FGGY: variants seen among roughly 807,000 people sequenced by gnomAD.
The protein encoded by FGGY is FGGY carbohydrate kinase domain-containing protein.
Under a neutral mutation model 71.3 loss-of-function variants are expected in FGGY, and 72 were observed. The observed-to-expected ratio is 1.01, with a 90% CI of 0.84 to 1.23. The LOEUF (loss-of-function observed/expected upper bound fraction) is 1.23, where lower values mean the gene tolerates loss of function less well. FGGY is among the 50% of genes most tolerant of loss of function. FGGY has a pLI of 0.00. For missense variants in FGGY, 668 were observed against 682.3 expected, an observed-to-expected ratio of 0.98 and a Z score of 0.23; for synonymous variants, 251 against 250.3, an observed-to-expected ratio of 1.00 and a Z score of -0.02.
chr1:59,697,326 T>TC (rs1447928637), intron 14 of FGGY, among the ~76,000 whole-genome samples: 1 of 152,180 alleles, frequency 6.6e-6, no homozygotes, highest in Non-Finnish European at 1.5e-5. Flanking sequence ...AACTGAAACT[T>TC]TACCCGTTAA....
At chr1:59,623,146 A>G (rs987194593) in intron 9 of FGGY, among the ~76,000 whole-genome samples, 7 of 152,068 alleles carry the variant, frequency 4.6e-5, no homozygotes, top group African/African-American at 1.7e-4. Flanking sequence ...TTATATTCCC[A>G]TTGCCAACCT....
rs369929167 is a variant in FGGY, at chr1:59,321,714, C to T, written c.165C>T (p.Ser55=). ...AGTTCAACCACCATGAGCAGTCCTCCGAGGACATCTGGGCTGCGTGCTGTG... is the reference window on the plus strand; with the variant it reads ...AGTTCAACCACCATGAGCAGTCCTCTGAGGACATCTGGGCTGCGTGCTGTG... ...EPQFNHHEQS[S]EDIWAACCVV... The change falls in exon 2 of 16, where the codon TCC becomes TCT. Residue 55 remains serine (S), a synonymous_variant. Coordinates refer to ENST00000303721, the MANE Select transcript of FGGY (RefSeq NM_018291.5). The T allele has an allele frequency of 5.3e-5, 85 of 1,612,524 alleles. 1 individual carries two copies. The African/African-American group carries it at 6.4e-4, about 12-fold the overall frequency.
chr1:59,609,971 G>T (rs1299674891), intron 9 of FGGY, among the ~76,000 whole-genome samples: 3 of 152,236 alleles, frequency 2.0e-5, no homozygotes, highest in Non-Finnish European at 4.4e-5. Context: ...ACCAGTGCTA[G>T]AAAAGTTGAG....
At chr1:59,311,409 C>T (rs955068483) in intron 1 of FGGY, among the ~76,000 whole-genome samples, 20 of 151,946 alleles carry the variant, frequency 1.3e-4, no homozygotes, top group African/African-American at 4.8e-4. Context: ...CACCCCACAA[C>T]AGGCCCTAGT....
chr1:59,463,865 C>A (rs906980867), intron 6 of FGGY, among the ~76,000 whole-genome samples: 1 of 152,140 alleles, frequency 6.6e-6, no homozygotes, highest in Non-Finnish European at 1.5e-5. Flanking sequence ...ATTCATAAAG[C>A]AAGTGCTTAG....
intron 8 of FGGY, among the ~76,000 whole-genome samples, chr1:59,558,840 C>G (rs975361820): frequency 6.6e-6 from 1 of 152,102 alleles, no homozygotes; most frequent in Non-Finnish European, 1.5e-5. Flanking sequence ...GACCTCCCCC[C>G]AGGAATGCAT....
chr1:59,666,415 T>C lies in FGGY; in HGVS notation c.1297-868T>C, dbSNP rs568126313. On this transcript the variant is annotated intron_variant, in intron 12 of 15. Coordinates refer to ENST00000303721, the MANE Select transcript of FGGY (RefSeq NM_018291.5). The stretch of plus-strand genomic sequence containing the variant: ...TTTTTAGTCCTTATCCCAAATAAAT[T>C]TTGATTTTCGAACTCTAGTTTTTGA... Among the ~76,000 whole-genome samples, 5 of 152,210 alleles carry C rather than the reference T, an allele frequency of 3.3e-5. No individual in the cohort carries two copies. The South Asian group carries it at 1.0e-3, about 32-fold the overall frequency.
chr1:59,370,693 C>T (rs2057449593), intron 4 of FGGY, among the ~76,000 whole-genome samples: 1 of 151,840 alleles, frequency 6.6e-6, no homozygotes, highest in African/African-American at 2.4e-5. Context: ...GCCCATCAGA[C>T]TAACAGCGGA....
intron 14 of FGGY, among the ~76,000 whole-genome samples, chr1:59,711,941 C>T (rs190991606): frequency 1.3e-5 from 2 of 152,296 alleles, no homozygotes; most frequent in African/African-American, 2.4e-5. Context: ...GCCTTCCCAA[C>T]AATCCCCCAA....
rs185738126 is a variant in FGGY at position 59,743,318 on chromosome 1, G to C, written c.1513-14613G>C. On this transcript the variant is annotated intron_variant, in intron 14 of 15. Coordinates refer to ENST00000303721, the MANE Select transcript of FGGY (RefSeq NM_018291.5). ...ATAGTAGTTTTGTCTTCCTCTTCCT[G>C]TCTCCCATGATCACCGATGTTTCTC... Among the ~76,000 whole-genome samples, 293 of 152,160 alleles carry C rather than the reference G, an allele frequency of 1.9e-3. 2 individuals are homozygous for C. The highest frequency in any genetic ancestry group is 6.7e-3 in the African/African-American group (278 of 41,510).
At chr1:59,624,466 G>A (rs187197723) in intron 9 of FGGY, among the ~76,000 whole-genome samples, 241 of 152,264 alleles carry the variant, frequency 1.6e-3, no homozygotes, top group South Asian at 3.9e-3. Flanking sequence ...TATGGGAAAT[G>A]AGTCAGTATA....
intron 2 of FGGY, among the ~76,000 whole-genome samples, chr1:59,323,335 T>A (rs1418704874): frequency 2.0e-5 from 3 of 152,248 alleles, no homozygotes; most frequent in Non-Finnish European, 4.4e-5. Context: ...ATCATCTGTT[T>A]GAGCCCTGTT....
At chr1:59,412,129 G>A (rs1352274372) in intron 5 of FGGY, among the ~76,000 whole-genome samples, 1 of 152,170 alleles carries the variant, frequency 6.6e-6, no homozygotes, top group Non-Finnish European at 1.5e-5. Context: ...CAGCTGCCGT[G>A]ACCAAGTTTG....
At chr1:59,583,397 T>C (rs1460402787) in intron 8 of FGGY, among the ~76,000 whole-genome samples, 3 of 143,582 alleles carry the variant, frequency 2.1e-5, no homozygotes, top group Non-Finnish European at 4.5e-5. Context: ...GTCTTATTTT[T>C]ACATTGACAC....
At chr1:59,722,184 G>A (rs1216351243) in intron 14 of FGGY, among the ~76,000 whole-genome samples, 1 of 142,634 alleles carries the variant, frequency 7.0e-6, no homozygotes, top group South Asian at 2.2e-4. Flanking sequence ...TTTTTTTCAT[G>A]ATTGGAGTTT....
At chr1:59,334,904 A>C (rs964146225) in intron 2 of FGGY, among the ~76,000 whole-genome samples, 4 of 152,194 alleles carry the variant, frequency 2.6e-5, no homozygotes, top group Non-Finnish European at 4.4e-5. Flanking sequence ...ACAACTTTAA[A>C]AATTATACAA....
At chr1:59,560,132 C>T (rs747218124) in intron 8 of FGGY, among the ~76,000 whole-genome samples, 24 of 152,228 alleles carry the variant, frequency 1.6e-4, no homozygotes, top group Middle Eastern at 3.4e-3. Flanking sequence ...TAGTACGTAC[C>T]CTTGATATGA....
intron 1 of FGGY, among the ~76,000 whole-genome samples, chr1:59,306,751 G>A (rs1277731748): frequency 1.3e-5 from 2 of 152,222 alleles, no homozygotes; most frequent in African/African-American, 4.8e-5. Context: ...GAATGGATAT[G>A]TAGTTGGGGA....
At chr1:59,579,098 C>A (rs1212914148) in intron 8 of FGGY, among the ~76,000 whole-genome samples, 3 of 152,086 alleles carry the variant, frequency 2.0e-5, no homozygotes, top group Non-Finnish European at 4.4e-5. Context: ...CTCCTGTGAC[C>A]AGGGTCTGTG....
Sources: gnomAD v4.1 joint callset for allele counts (sites outside exome capture counted in the v4.1 genomes callset) on GRCh38, gnomAD v4.1.1 for gene constraint, MANE v1.5 for transcripts, NCBI Gene and HGNC (gene_info 2026-07-23, HGNC 2026-07-21) for gene names.